TMEM182: variants seen among roughly 807,000 people sequenced by gnomAD.
The protein encoded by TMEM182 is transmembrane protein 182.
In TMEM182, 20 loss-of-function variants were observed where a neutral mutation model predicts 26.8. The ratio of observed to expected loss-of-function variants is 0.75; its 90% CI spans 0.53 to 1.09. The LOEUF is 1.09. Among genes scored for constraint, TMEM182 ranks in the 50% least tolerant of loss-of-function variants. The pLI is 0.00. For missense variants in TMEM182, 277 were observed against 275.5 expected (o/e 1.01, Z -0.04); for synonymous variants, 109 against 102.2 (o/e 1.07, Z -0.40).
intron 4 of TMEM182, among the ~76,000 whole-genome samples, chr2:102,811,419 T>C (rs1266518905): frequency 6.6e-6 from 1 of 152,218 alleles, no homozygotes; most frequent in African/African-American, 2.4e-5. Flanking sequence ...GTTACTATTT[T>C]CTCCGTCAAA....
At chr2:102,800,386 A>G (rs2732815) in intron 4 of TMEM182, among the ~76,000 whole-genome samples, 46,335 of 152,092 alleles carry the variant, frequency 0.3, 7,252 homozygotes, top group South Asian at 0.42. Flanking sequence ...AAATCACACT[A>G]TATGTGGACT....
intron 3 of TMEM182, among the ~76,000 whole-genome samples, chr2:102,832,328 G>A (rs1045638898): frequency 3.3e-5 from 5 of 152,194 alleles, no homozygotes; most frequent in African/African-American, 9.7e-5. Context: ...TACTGGGATT[G>A]TAAATCAACA....
chr2:102,801,488 A>G (rs1045053106), intron 4 of TMEM182, among the ~76,000 whole-genome samples: 2 of 152,226 alleles, frequency 1.3e-5, no homozygotes, highest in Non-Finnish European at 1.5e-5. Context: ...TCAGGATTAC[A>G]TATGACCATT....
Position 102,764,386 on chromosome 2 carries a change from T to G in TMEM182, c.290T>G (p.Met97Arg). The G allele has an allele frequency of 6.2e-7, 1 of 1,613,986 alleles. No individual in the cohort carries two copies. Among genetic ancestry groups the G allele is most frequent in the Non-Finnish European group, 8.5e-7 (1 of 1,179,892 alleles). ...THAYLSPYPFMRGEHNSTSYD... is the reference protein window; with the variant it reads ...THAYLSPYPFRRGEHNSTSYD... ...GCTTACCTGTCTCCGTACCCCTTCA[T>G]GAGAGGCGAGCACAACTCGACCTCC... The change falls in exon 3 of 5, where the codon ATG becomes AGG. Residue 97 changes from methionine (M) to arginine (R), a missense_variant. Transcript: ENST00000412401.
intron 3 of TMEM182, among the ~76,000 whole-genome samples, chr2:102,840,573 T>C (rs1408917488): frequency 2.6e-5 from 4 of 152,026 alleles, no homozygotes; most frequent in African/African-American, 9.7e-5. Context: ...ATCAGGCTCA[T>C]ATAGAGGACG....
chr2:102,822,099 A>T (rs1682931403), downstream of TMEM182, among the ~76,000 whole-genome samples: 1 of 152,228 alleles, frequency 6.6e-6, no homozygotes, highest in African/African-American at 2.4e-5. Context: ...CATCAAGTAT[A>T]CCCCCAAAAT....
At chr2:102,739,774 T>C (rs545285850) in intron 1 of TMEM182, among the ~76,000 whole-genome samples, 29 of 152,312 alleles carry the variant, frequency 1.9e-4, no homozygotes, top group African/African-American at 6.7e-4. Flanking sequence ...TTACCCAGTC[T>C]CAGGTATTTC....
intron 2 of TMEM182, among the ~76,000 whole-genome samples, chr2:102,763,197 T>A (rs992089728): frequency 1.3e-5 from 2 of 152,228 alleles, no homozygotes; most frequent in African/African-American, 2.4e-5. Context: ...ATTTGAGCTT[T>A]AACCAAGTTT....
At chr2:102,785,594 A>C (rs895351744) in intron 3 of TMEM182, among the ~76,000 whole-genome samples, 2 of 152,204 alleles carry the variant, frequency 1.3e-5, no homozygotes, top group African/African-American at 2.4e-5. Context: ...TTAGTTGTTA[A>C]CCACTCCTTT....
chr2:102,771,561 A>G (rs892592298), intron 3 of TMEM182, among the ~76,000 whole-genome samples: 4 of 152,150 alleles, frequency 2.6e-5, no homozygotes, highest in Non-Finnish European at 5.9e-5. Context: ...ATTGGTTGGC[A>G]GTTTATGTAA....
chr2:102,827,309 A>C (rs1225927883), intron 3 of TMEM182, among the ~76,000 whole-genome samples: 1 of 152,172 alleles, frequency 6.6e-6, no homozygotes, highest in African/African-American at 2.4e-5. Flanking sequence ...AATGCAGGGG[A>C]AATTCAGTTG....
chr2:102,807,440 T>G (rs1234860132), intron 4 of TMEM182, among the ~76,000 whole-genome samples: 1 of 152,196 alleles, frequency 6.6e-6, no homozygotes, highest in Non-Finnish European at 1.5e-5. Context: ...AAGCATAATT[T>G]TATGGGAAAA....
At chr2:102,767,250 T>G (rs1322224786) in intron 3 of TMEM182, among the ~76,000 whole-genome samples, 1 of 152,212 alleles carries the variant, frequency 6.6e-6, no homozygotes, top group African/African-American at 2.4e-5. Context: ...TTTAAAAGAA[T>G]CTCAAATACA....
At chr2:102,773,116 T>C (rs533044349) in intron 3 of TMEM182, among the ~76,000 whole-genome samples, 1 of 152,180 alleles carries the variant, frequency 6.6e-6, no homozygotes, top group Admixed American at 6.6e-5. Flanking sequence ...TAGCTGGTAA[T>C]TGTGATTAAA....
At chr2:102,755,226 C>T (rs1679995885) in intron 1 of TMEM182, among the ~76,000 whole-genome samples, 1 of 152,158 alleles carries the variant, frequency 6.6e-6, no homozygotes, top group Non-Finnish European at 1.5e-5. Flanking sequence ...ATGAAAGAAC[C>T]ATACCAGTGT....
Position 102,815,096 on chromosome 2 carries a change from A to G in TMEM182, c.*128A>G. 1 of 1,449,076 alleles carries G rather than the reference A, an allele frequency of 6.9e-7. No individual in the cohort carries two copies. Among genetic ancestry groups the G allele is most frequent in the Non-Finnish European group, 9.0e-7 (1 of 1,109,180 alleles). 89.8% of individuals were successfully genotyped at this position (1,449,076 alleles called of 1,614,324 possible). On this transcript the variant is annotated 3_prime_UTR_variant, in exon 5 of 5. Transcript: ENST00000412401. Reference sequence around the variant, plus strand: ...TTTTTAGTTGCTATTCAAATTAATCATTTTACTAAAATTTTCTTCAGTAAG... The same window carrying G: ...TTTTTAGTTGCTATTCAAATTAATCGTTTTACTAAAATTTTCTTCAGTAAG...
chr2:102,818,920 G>C (rs915344187), downstream of TMEM182, among the ~76,000 whole-genome samples: 2 of 152,158 alleles, frequency 1.3e-5, no homozygotes, highest in Admixed American at 1.3e-4. Context: ...GAAATGACAG[G>C]ATAGTTTACC....
chr2:102,822,001 A>AT (rs958835528), downstream of TMEM182, among the ~76,000 whole-genome samples: 4 of 152,030 alleles, frequency 2.6e-5, no homozygotes, highest in African/African-American at 7.3e-5. Flanking sequence ...AAAAAAAAAA[A>AT]AATGCAACAC....
chr2:102,788,709 C>T (rs1286208878), intron 3 of TMEM182, among the ~76,000 whole-genome samples: 2 of 152,098 alleles, frequency 1.3e-5, no homozygotes, highest in Non-Finnish European at 2.9e-5. Context: ...TTCAAGGACT[C>T]AAGGTCACTG....
Sources: gnomAD v4.1 joint callset for allele counts (sites outside exome capture counted in the v4.1 genomes callset) on GRCh38, gnomAD v4.1.1 for gene constraint, MANE v1.5 for transcripts, NCBI Gene and HGNC (gene_info 2026-07-23, HGNC 2026-07-21) for gene names.